The following STIL variants were observed in gnomAD, a reference collection of about 807,000 sequenced individuals.
STIL encodes SCL-interrupting locus protein.
Under a neutral mutation model 110.1 loss-of-function variants are expected in STIL, and 55 were observed. The observed-to-expected ratio is 0.50, with a 90% CI of 0.40 to 0.63. The LOEUF is 0.63. Among genes scored for constraint, STIL ranks in the 20% least tolerant of loss-of-function variants. The probability of loss-of-function intolerance (pLI) is 0.00; values close to 1 mark genes in which losing one functional copy is unlikely to be tolerated. For missense variants in STIL, 1,358 were observed against 1,530.0 expected, an observed-to-expected ratio of 0.89 and a Z score of 1.87; for synonymous variants, 481 against 530.0, an observed-to-expected ratio of 0.91 and a Z score of 1.27.
intron 7 of STIL, among the ~76,000 whole-genome samples, chr1:47,294,833 T>C (rs535650802): frequency 2.0e-5 from 3 of 152,330 alleles, no homozygotes; most frequent in East Asian, 1.9e-4. Flanking sequence ...CTGAGTTCTT[T>C]AGGGTGACTT....
Position 47,304,915 on chromosome 1 carries a change from G to A in STIL, c.126C>T (p.Phe42=). ...TGTAGTAACTGAGATGTAAGTAGAT[G>A]AAATCTCCAGTTGGCGTTGGGTTCC... The part of the protein sequence containing the change: ...ALWNPTPTGD[F]IYLHLSYYRN... Residue 42 remains phenylalanine, a synonymous_variant, in exon 3 of 17, where the codon TTC becomes TTT. Transcript: ENST00000371877. The A allele has an allele frequency of 6.2e-7, 1 of 1,613,370 alleles. No individual in the cohort carries two copies. Among genetic ancestry groups the A allele is most frequent in the African/African-American group, 1.3e-5 (1 of 75,036 alleles).
chr1:47,299,587 T>C (rs1211474958), intron 6 of STIL, among the ~76,000 whole-genome samples: 4 of 151,944 alleles, frequency 2.6e-5, no homozygotes, highest in Non-Finnish European at 1.5e-5. Flanking sequence ...GAGATGGGGT[T>C]TCACCATGTT....
chr1:47,282,550 A>G (rs1355870267), intron 10 of STIL, 91 bp from the exon 11 acceptor site: 9 of 749,924 alleles, frequency 1.2e-5, no homozygotes, highest in Non-Finnish European at 1.9e-5. Flanking sequence ...AATAAGTTGC[A>G]GTAGTACTCA....
At chr1:47,274,967 C>G (rs1202384878) in intron 12 of STIL, among the ~76,000 whole-genome samples, 1 of 151,778 alleles carries the variant, frequency 6.6e-6, no homozygotes, top group East Asian at 2.0e-4. Context: ...GCCTAGCCAA[C>G]ATGGTAAAAC....
chr1:47,301,377 G>A (rs1052114761), intron 5 of STIL, among the ~76,000 whole-genome samples, 184 bp downstream of exon 5: 1 of 152,034 alleles, frequency 6.6e-6, no homozygotes, highest in Non-Finnish European at 1.5e-5. Flanking sequence ...CTTCTGAAAG[G>A]CTACTCATAT....
chr1:47,262,942 A>C lies in STIL; in HGVS notation c.2790T>G (p.His930Gln), dbSNP rs764375784. The C allele has an allele frequency of 1.2e-6, 2 of 1,614,116 alleles. No homozygotes were observed. Among genetic ancestry groups the C allele is most frequent in the Non-Finnish European group, 1.7e-6 (2 of 1,180,014 alleles). ...KIEHVMQPLL[H>Q]QPSDNQKIYQ... is the part of the protein sequence containing the mutation. ...AAATTTTCTGGTTATCTGATGGTTG[A>C]TGAAGCAAGGGTTGCATTACATGCT... The change falls in exon 15 of 17, where the codon CAT (histidine) becomes CAG (glutamine). Residue 930 changes from histidine to glutamine, a missense_variant. Physicochemically the swap from His to Gln is conservative, Grantham distance 24. Transcript: ENST00000371877.
At chr1:47,263,186 GA>G in intron 14 of STIL, 70 bp from the exon 15 acceptor site, 1 of 1,421,446 alleles carries the variant, frequency 7.0e-7, no homozygotes, top group Non-Finnish European at 9.7e-7. Context: ...AGTAACTTTA[GA>G]AAAAAGGGTT....
At position 47,255,916 on chromosome 1, in the gene STIL, G is replaced by A. The variant is rs143588178; in HGVS notation, c.3081-3994C>T. 1.8e-3 allele frequency among the ~76,000 whole-genome samples: 270 copies of A among 152,266 alleles called. 4 individuals are homozygous for A. The highest frequency in any genetic ancestry group is 6.3e-3 in the African/African-American group (261 of 41,562). On this transcript the variant is annotated intron_variant, in intron 16 of 16. Coordinates refer to ENST00000371877, the MANE Select transcript of STIL (RefSeq NM_001048166.1). ...CCCCTGCCTTAGCCACTCTTCTGGC[G>A]GAATGATGTGCTCCTGGAGTCCAGA...
chr1:47,280,572 A>G lies in STIL; in HGVS notation c.1886T>C (p.Ile629Thr). ...SWQGANTVGS[I>T]QDVQSEALQK... ...AAGGGCTTCAGACTGGACATCTTGA[A>G]TGGATCCAACTGTGTTTGCTCCTTG... Residue 629 changes from isoleucine to threonine, a missense_variant, in exon 12 of 17, where the codon ATT (isoleucine) becomes ACT (threonine). Physicochemically the swap from Ile to Thr is moderately conservative, Grantham distance 89. Transcript: ENST00000371877. The G allele has an allele frequency of 1.2e-6, 2 of 1,614,260 alleles. No homozygotes were observed. Among genetic ancestry groups the G allele is most frequent in the Non-Finnish European group, 1.7e-6 (2 of 1,180,050 alleles).
intron 16 of STIL, 135 bp downstream of exon 16, chr1:47,260,153 AC>A (rs1422718973): frequency 5.9e-6 from 5 of 852,224 alleles, no homozygotes; most frequent in Admixed American, 2.7e-5. Context: ...CAATTGAGGC[AC>A]AAACGTAACT....
At chr1:47,270,007 C>T (rs953968722) in intron 13 of STIL, 141 bp from the exon 14 acceptor site, 13 of 772,194 alleles carry the variant, frequency 1.7e-5, no homozygotes, top group African/African-American at 8.7e-5. Flanking sequence ...GAGGCAGAGG[C>T]GGGAGGATCA....
At chr1:47,309,171 T>C (rs979634593) in intron 2 of STIL, among the ~76,000 whole-genome samples, 1 of 152,208 alleles carries the variant, frequency 6.6e-6, no homozygotes, top group Non-Finnish European at 1.5e-5. Context: ...ACACATTGCA[T>C]GCCTTATAAA....
chr1:47,305,723 G>A (rs1240723689), intron 2 of STIL, among the ~76,000 whole-genome samples: 1 of 97,828 alleles, frequency 1.0e-5, no homozygotes, highest in East Asian at 2.7e-4. Context: ...ACCACGCCTG[G>A]CCTTTTTTTT....
At chr1:47,294,618 G>A (rs1216354353) in intron 7 of STIL, among the ~76,000 whole-genome samples, 3 of 152,226 alleles carry the variant, frequency 2.0e-5, no homozygotes, top group African/African-American at 4.8e-5. Context: ...CCCAGAGATT[G>A]AGGCTGCAGT....
chr1:47,271,716 G>A (rs1055699823), intron 13 of STIL, among the ~76,000 whole-genome samples: 6 of 151,802 alleles, frequency 4.0e-5, no homozygotes, highest in African/African-American at 1.2e-4. Context: ...TGAGACAGGA[G>A]GATTGCTTGA....
At chr1:47,305,479 A>T (rs934109819) in intron 2 of STIL, among the ~76,000 whole-genome samples, 2 of 152,070 alleles carry the variant, frequency 1.3e-5, no homozygotes, top group African/African-American at 4.8e-5. Flanking sequence ...CCCAGGCTGG[A>T]GTACTGTGGT....
intron 16 of STIL, among the ~76,000 whole-genome samples, chr1:47,253,662 T>A (rs1644248551): frequency 6.6e-6 from 1 of 152,170 alleles, no homozygotes; most frequent in South Asian, 2.1e-4. Flanking sequence ...GTAACTTGGA[T>A]TTTTTCTATC....
chr1:47,311,598 A>G (rs969314530), intron 1 of STIL, among the ~76,000 whole-genome samples: 2 of 152,194 alleles, frequency 1.3e-5, no homozygotes, highest in South Asian at 2.1e-4. Flanking sequence ...TTTCAAATCC[A>G]TATTTCTAAC....
At chr1:47,279,029 GGCTCAC>G (rs1645070465) in intron 12 of STIL, among the ~76,000 whole-genome samples, 1 of 152,018 alleles carries the variant, frequency 6.6e-6, no homozygotes, top group Non-Finnish European at 1.5e-5. Context: ...CGGGCGCGGA[GGCTCAC>G]GCCTGTAATC....
Sources: allele counts gnomAD v4.1 joint callset (sites outside exome capture counted in the v4.1 genomes callset), GRCh38; gene constraint gnomAD v4.1.1; transcripts MANE v1.5; gene names NCBI Gene and HGNC (gene_info 2026-07-23, HGNC 2026-07-21).